HEATR5A: variants seen among roughly 807,000 people sequenced by gnomAD.
The protein encoded by HEATR5A is HEAT repeat containing 5A.
A neutral mutation model predicts 218.8 loss-of-function variants in HEATR5A; 178 were observed. The ratio of observed to expected loss-of-function variants is 0.81; its 90% confidence interval spans 0.72 to 0.92. The LOEUF is 0.92. HEATR5A is among the 40% of genes least tolerant of loss of function. The probability of loss-of-function intolerance (pLI) is 0.00; values close to 1 mark genes in which losing one functional copy is unlikely to be tolerated. For missense variants in HEATR5A, 2,420 were observed against 2,418.9 expected, an observed-to-expected ratio of 1.00 and a Z score of -0.01; for synonymous variants, 864 against 871.6, an observed-to-expected ratio of 0.99 and a Z score of 0.15.
chr14:31,325,986 A>C, intron 23 of HEATR5A, 177 bp downstream of exon 23: 1 of 620,218 alleles, frequency 1.6e-6, no homozygotes, highest in Non-Finnish European at 2.8e-6. Context: ...TATATTGTTC[A>C]AATTACAGAG....
At position 31,322,794 on chromosome 14, in the gene HEATR5A, G is replaced by C. The variant is rs929586447; in HGVS notation, c.3787+771C>G. Among the ~76,000 whole-genome samples, 7 of 150,070 alleles carry C rather than the reference G, an allele frequency of 4.7e-5. 1 individual carries two copies. The highest frequency in any genetic ancestry group is 1.7e-4 in the African/African-American group (7 of 40,692). ...TGATCATGCCACTGCACTCCAGCCT[G>C]GGTGACAGAGTGAAATGCTGTCTAA... On this transcript the variant is annotated intron_variant, in intron 24 of 35. Transcript: ENST00000543095.
At chr14:31,413,068 G>A (rs1002516663) in intron 1 of HEATR5A, among the ~76,000 whole-genome samples, 1 of 152,018 alleles carries the variant, frequency 6.6e-6, no homozygotes, top group Admixed American at 6.6e-5. Flanking sequence ...CCCCAGGCAC[G>A]GCACTAATAC....
chr14:31,417,136 C>T (rs2031477714), intron 1 of HEATR5A, among the ~76,000 whole-genome samples: 1 of 152,050 alleles, frequency 6.6e-6, no homozygotes, highest in Admixed American at 6.5e-5. Context: ...TTATGATAAA[C>T]CCTATGAATG....
Position 31,383,772 on chromosome 14 carries a change from C to A in HEATR5A, c.1346-1G>T. 1 of 1,611,238 alleles carries A rather than the reference C, an allele frequency of 6.2e-7. No homozygotes were observed. The highest frequency in any genetic ancestry group is 8.5e-7 in the Non-Finnish European group (1 of 1,178,674). ...ACTGACAAGATACTGTCAAGGAGAC[C>A]TGGAAGGATAAACAAATGATGACTT... On this transcript the variant is annotated splice_acceptor_variant, in intron 9 of 35. Coordinates refer to ENST00000543095, the MANE Select transcript of HEATR5A (RefSeq NM_015473.4). LOFTEE classifies it high-confidence loss of function.
At chr14:31,350,860 C>G in intron 16 of HEATR5A, 143 bp from the exon 17 acceptor site, 1 of 551,626 alleles carries the variant, frequency 1.8e-6, no homozygotes, top group Admixed American at 3.2e-5. Context: ...TCACTACAAC[C>G]TCCACCTTCC....
intron 21 of HEATR5A, chr14:31,340,388 G>A: frequency 1.9e-6 from 2 of 1,066,458 alleles, no homozygotes; most frequent in Non-Finnish European, 2.5e-6. Flanking sequence ...ACCAAAAAAT[G>A]ACACAAAGAA....
At chr14:31,315,293 T>C (rs527516331) in intron 27 of HEATR5A, among the ~76,000 whole-genome samples, 1 of 152,236 alleles carries the variant, frequency 6.6e-6, no homozygotes, top group African/African-American at 2.4e-5. Context: ...GCTTAAACAT[T>C]GCATAGTAAA....
intron 14 of HEATR5A, among the ~76,000 whole-genome samples, chr14:31,361,751 A>G (rs1901622503): frequency 6.6e-6 from 1 of 152,196 alleles, no homozygotes; most frequent in African/African-American, 2.4e-5. Context: ...ATAAAAACTA[A>G]GAACTCAATT....
intron 4 of HEATR5A, among the ~76,000 whole-genome samples, chr14:31,398,325 T>C (rs771350897): frequency 5.9e-5 from 9 of 152,222 alleles, no homozygotes; most frequent in Non-Finnish European, 5.9e-5. Context: ...TTATCAACTA[T>C]GTAGTCCCTG....
intron 18 of HEATR5A, 41 bp from the exon 19 acceptor site, chr14:31,347,948 A>G: frequency 2.3e-6 from 3 of 1,294,530 alleles, no homozygotes; most frequent in Non-Finnish European, 3.0e-6. Flanking sequence ...ATCACTGCAA[A>G]AGAAAAAAAA....
chr14:31,393,308 G>A (rs897890905), intron 6 of HEATR5A, among the ~76,000 whole-genome samples: 1 of 152,118 alleles, frequency 6.6e-6, no homozygotes, highest in African/African-American at 2.4e-5. Flanking sequence ...TCAGGAGTTC[G>A]AGACCAGCAG....
intron 9 of HEATR5A, 143 bp downstream of exon 9, chr14:31,386,277 A>T: frequency 1.6e-6 from 1 of 636,858 alleles, no homozygotes; most frequent in Non-Finnish European, 2.5e-6. Flanking sequence ...ACATCTTTTT[A>T]ATAATCCTGA....
At chr14:31,351,746 G>A (rs1237303160) in intron 16 of HEATR5A, among the ~76,000 whole-genome samples, 1 of 151,686 alleles carries the variant, frequency 6.6e-6, no homozygotes, top group African/African-American at 2.4e-5. Context: ...AAAGTACCTG[G>A]GAGTATAGGA....
chr14:31,412,093 T>C (rs1036996508), intron 1 of HEATR5A, among the ~76,000 whole-genome samples: 2 of 152,042 alleles, frequency 1.3e-5, no homozygotes, highest in African/African-American at 4.8e-5. Flanking sequence ...TGGCCTCAAG[T>C]GATCTGCCCG....
In HEATR5A at chr14:31,323,556, G is replaced by A; in HGVS notation, c.3787+9C>T. 6.3e-7 allele frequency: 1 copy of A among 1,579,028 alleles called. No individual in the cohort carries two copies. ...TATCATTTGGTGTTTTCATCACTAT[G>A]TCACTTACTTCTTGAATCTCTTTTT... On this transcript the variant is annotated intron_variant, in intron 24 of 35. Transcript: ENST00000543095.
intron 22 of HEATR5A, among the ~76,000 whole-genome samples, chr14:31,331,785 A>AGT (rs1900481213): frequency 6.6e-6 from 1 of 152,140 alleles, no homozygotes; most frequent in Non-Finnish European, 1.5e-5. Context: ...AGCAGGTGAG[A>AGT]GTGTGTGTGA....
rs1277737573 is a variant in HEATR5A, at chr14:31,380,550, A to G, written c.1625T>C (p.Leu542Pro). 7 of 1,603,596 alleles carry G rather than the reference A, an allele frequency of 4.4e-6. No individual in the cohort carries two copies. Among genetic ancestry groups the G allele is most frequent in the Admixed American group, 1.7e-5 (1 of 58,632 alleles). The change falls in exon 11 of 36, where the codon CTG (leucine) becomes CCG (proline). Residue 542 changes from leucine to proline, a missense_variant. Transcript: ENST00000543095. ...KIIMTLAEDL[L>P]CSAAQNSRLS... is the part of the protein sequence containing the mutation. ...GCGACTGTTTTGAGCAGCAGAACACAGCAAATCCTCTGCTAATGTCATAAT... is the reference window on the plus strand; with the variant it reads ...GCGACTGTTTTGAGCAGCAGAACACGGCAAATCCTCTGCTAATGTCATAAT...
At chr14:31,299,997 T>C (rs1161327243) in intron 33 of HEATR5A, among the ~76,000 whole-genome samples, 1 of 151,988 alleles carries the variant, frequency 6.6e-6, no homozygotes, top group Non-Finnish European at 1.5e-5. Flanking sequence ...GATTGTACCA[T>C]TGCACTCCAG....
chr14:31,394,277 G>A, intron 5 of HEATR5A, 51 bp from the exon 6 acceptor site: 2 of 1,182,634 alleles, frequency 1.7e-6, no homozygotes, highest in East Asian at 2.7e-5. Context: ...ACAAATGTCA[G>A]GTTCAGAGCT....
Sources: allele counts gnomAD v4.1 joint callset (sites outside exome capture counted in the v4.1 genomes callset), GRCh38; gene constraint gnomAD v4.1.1; transcripts MANE v1.5; gene names NCBI Gene and HGNC (gene_info 2026-07-23, HGNC 2026-07-21).